Variants in WNK2 observed in about 807,000 individuals in gnomAD.
The protein encoded by WNK2 is WNK lysine deficient protein kinase 2.
Under a neutral mutation model 192.1 loss-of-function variants are expected in WNK2, and 67 were observed. That is an observed-to-expected ratio of 0.35 (90% CI 0.29 to 0.43). The LOEUF (loss-of-function observed/expected upper bound fraction) is 0.43, where lower values mean the gene tolerates loss of function less well. Among genes scored for constraint, WNK2 ranks in the 20% least tolerant of loss-of-function variants. The pLI, the probability that WNK2 is intolerant of heterozygous loss-of-function variation, is 1.00. For synonymous variants in WNK2, 1,439 were observed against 1,393.9 expected (o/e 1.03, Z -0.72); for missense variants, 2,698 against 3,089.7 (o/e 0.87, Z 3.01).
intron 26 of WNK2, among the ~76,000 whole-genome samples, chr9:93,306,031 G>A (rs1317460105): frequency 6.6e-6 from 1 of 152,218 alleles, no homozygotes; most frequent in African/African-American, 2.4e-5. Context: ...CTAGGACATT[G>A]CATTCAGTGT....
rs1843484734 is a variant in WNK2 at position 93,257,411 on chromosome 9, C to T, written c.2382+272C>T. On this transcript the variant is annotated intron_variant, in intron 11 of 29. Coordinates refer to ENST00000427277, the MANE Select transcript of WNK2 (RefSeq NM_006648.4). This position sits in a 1 kb window ranked among gnomAD's most constrained non-coding sequence, Gnocchi z 4.7. ...GTCTCCTGCCCTCCAGCCTCACCTT[C>T]TCTACCAACCTGGCAGGCTGCTCTT... 6.6e-6 allele frequency among the ~76,000 whole-genome samples: 1 copy of T among 152,162 alleles called. No individual in the cohort carries two copies. The highest frequency in any genetic ancestry group is 2.4e-5 in the African/African-American group (1 of 41,446).
chr9:93,283,938 G>A (rs760102275), intron 19 of WNK2, among the ~76,000 whole-genome samples: 4 of 152,310 alleles, frequency 2.6e-5, no homozygotes, highest in Middle Eastern at 3.4e-3. Flanking sequence ...AAGTGTTCAC[G>A]ATAATGAGAA....
intron 2 of WNK2, among the ~76,000 whole-genome samples, chr9:93,200,778 A>G (rs781661897): frequency 6.6e-5 from 10 of 152,198 alleles, no homozygotes; most frequent in African/African-American, 2.4e-5. Context: ...CACCTGCGCC[A>G]TTTGTAAAAA....
intron 2 of WNK2, among the ~76,000 whole-genome samples, chr9:93,206,470 T>G (rs1214125297): frequency 6.6e-6 from 1 of 152,012 alleles, no homozygotes; most frequent in Non-Finnish European, 1.5e-5. Flanking sequence ...GAGAAGCACG[T>G]GGCTTGCCCC....
chr9:93,198,787 C>T (rs1587810694), intron 2 of WNK2, among the ~76,000 whole-genome samples: 2 of 152,244 alleles, frequency 1.3e-5, no homozygotes, highest in South Asian at 4.1e-4. Flanking sequence ...GCCTCTGGGC[C>T]CCCACTCCCT....
chr9:93,194,399 A>G (rs1361696369), intron 2 of WNK2, among the ~76,000 whole-genome samples: 1 of 152,262 alleles, frequency 6.6e-6, no homozygotes, highest in Non-Finnish European at 1.5e-5. Context: ...AATAGGCCAA[A>G]GAGCTTAACA....
At chr9:93,293,880 C>G (rs967110987) in intron 23 of WNK2, among the ~76,000 whole-genome samples, 1 of 151,916 alleles carries the variant, frequency 6.6e-6, no homozygotes, top group Admixed American at 6.6e-5. Flanking sequence ...TCGCTTCCCA[C>G]CACTCTGTTT....
Position 93,261,994 on chromosome 9 carries a change from G to A in WNK2, c.3247G>A (p.Val1083Met), listed in dbSNP as rs746577281. The part of the protein sequence containing the change: ...LATVSASVQS[V>M]PTQTATLLPP... ...CACGGTGTCTGCCTCTGTGCAGAGT[G>A]TGCCCACCCAGACTGCCACACTTCT... Residue 1083 changes from valine to methionine, a missense_variant, in exon 13 of 30, where the codon GTG becomes ATG. Val to Met is a conservative substitution (Grantham distance 21). Coordinates refer to ENST00000427277, the MANE Select transcript of WNK2 (RefSeq NM_006648.4). The A allele has an allele frequency of 2.5e-6, 4 of 1,611,874 alleles. No individual in the cohort carries two copies. The highest frequency in any genetic ancestry group is 1.7e-5 in the Admixed American group (1 of 59,910).
intron 28 of WNK2, among the ~76,000 whole-genome samples, chr9:93,312,727 CGTT>C (rs752064555): frequency 6.6e-6 from 1 of 152,142 alleles, no homozygotes; most frequent in South Asian, 2.1e-4. Context: ...TCCCAGCAGA[CGTT>C]GTTGAAAACT....
Position 93,292,732 on chromosome 9 carries a change from A to G in WNK2, c.5267A>G (p.Glu1756Gly). The G allele has an allele frequency of 6.5e-7, 1 of 1,533,066 alleles. No individual in the cohort carries two copies. The highest frequency in any genetic ancestry group is 8.8e-7 in the Non-Finnish European group (1 of 1,137,526). 95.0% of individuals were successfully genotyped at this position (1,533,066 alleles called of 1,614,324 possible). Residue 1756 changes from glutamate to glycine, a missense_variant, in exon 23 of 30, where the codon GAG becomes GGG. By Grantham distance (98) the Glu-to-Gly change is moderately conservative. This residue lies in a region of WNK2 where 1,098 missense variants were observed against 1,101.0 expected (regional missense o/e 1.00). Coordinates refer to ENST00000427277, the MANE Select transcript of WNK2 (RefSeq NM_006648.4). ...TTCTCGGTGGTCAGCACTCAGGACG[A>G]GTGGACCCTGGCCTCCCCCCACAGC... ...GRFSVVSTQD[E>G]WTLASPHSLR...
At chr9:93,276,681 A>G (rs978519045) in intron 19 of WNK2, among the ~76,000 whole-genome samples, 1 of 152,238 alleles carries the variant, frequency 6.6e-6, no homozygotes, top group Non-Finnish European at 1.5e-5. Flanking sequence ...CATATCCAAC[A>G]TAGTGTCTGT....
At chr9:93,266,665 C>T (rs1237665973) in intron 16 of WNK2, among the ~76,000 whole-genome samples, 2 of 152,246 alleles carry the variant, frequency 1.3e-5, no homozygotes, top group Admixed American at 1.3e-4. Context: ...TCACGGAACA[C>T]AGCACAAGCC....
chr9:93,210,369 G>A (rs1834286261), intron 2 of WNK2, among the ~76,000 whole-genome samples: 1 of 152,088 alleles, frequency 6.6e-6, no homozygotes, highest in South Asian at 2.1e-4. Flanking sequence ...AGGAGCGCTG[G>A]CCACAGTGTG....
chr9:93,281,946 T>G (rs1257481688), intron 19 of WNK2, among the ~76,000 whole-genome samples: 1 of 152,184 alleles, frequency 6.6e-6, no homozygotes, highest in Non-Finnish European at 1.5e-5. Flanking sequence ...AGTCATCACC[T>G]TCACAGCTCA....
intron 2 of WNK2, among the ~76,000 whole-genome samples, chr9:93,222,593 T>G (rs1325875087): frequency 6.6e-6 from 1 of 152,140 alleles, no homozygotes; most frequent in Non-Finnish European, 1.5e-5. Flanking sequence ...TGCAAAGAAG[T>G]CTAGGGGCAC....
chr9:93,208,913 C>T (rs534199584), intron 2 of WNK2, among the ~76,000 whole-genome samples: 17 of 152,040 alleles, frequency 1.1e-4, no homozygotes, highest in East Asian at 3.9e-4. Flanking sequence ...GTTCTTTGTG[C>T]ATTCACATTC....
In WNK2 at chr9:93,252,928, A is replaced by T; in HGVS notation, c.1880A>T (p.Asp627Val). 1.3e-6 allele frequency: 2 copies of T among 1,571,522 alleles called. No individual in the cohort carries two copies. ...DSGQGSTVYS[D>V]SQSSQQSVML... ...GGCCAGGGCTCTACCGTGTACTCAG[A>T]CTCGCAGAGCAGCCAGCAGAGCGTG... Residue 627 changes from aspartate (D) to valine (V), a missense_variant, in exon 9 of 30, where the codon GAC (aspartate) becomes GTC (valine). This residue lies in a region of WNK2 where 893 missense variants were observed against 909.0 expected (regional missense o/e 0.98). Coordinates refer to ENST00000427277, the MANE Select transcript of WNK2 (RefSeq NM_006648.4).
At chr9:93,308,256 AT>A in intron 27 of WNK2, 71 bp from the exon 28 acceptor site, 1 of 1,499,502 alleles carries the variant, frequency 6.7e-7, no homozygotes, top group East Asian at 2.5e-5. Context: ...GTAAGAATGA[AT>A]GCGGCCAGCC....
rs1177842436 is a variant in WNK2, at chr9:93,239,848, T to G, written c.1414T>G (p.Ser472Ala). 4 of 1,598,570 alleles carry G rather than the reference T, an allele frequency of 2.5e-6. No individual in the cohort carries two copies. Among genetic ancestry groups the G allele is most frequent in the Non-Finnish European group, 2.6e-6 (3 of 1,173,120 alleles). Residue 472 changes from serine to alanine, a missense_variant, in exon 7 of 30, where the codon TCC (serine) becomes GCC (alanine). By Grantham distance (99) the Ser-to-Ala change is moderately conservative. Around this residue, in one of 7 missense-constraint regions of WNK2, gnomAD observed 230 missense variants for 501.1 expected, o/e 0.46. Transcript: ENST00000427277. This position sits in a 1 kb window ranked among gnomAD's most constrained non-coding sequence, Gnocchi z 4.2. Reference sequence around the variant, plus strand: ...CGCGGAGGAGGACCACGGCAGGAAGTCCACCATCGCCCTGAGGCTCTGGGT... The same window carrying G: ...CGCGGAGGAGGACCACGGCAGGAAGGCCACCATCGCCCTGAGGCTCTGGGT... The part of the protein sequence containing the change: ...ELAEEDHGRK[S>A]TIALRLWVED...
Sources: gnomAD v4.1 joint callset for allele counts (sites outside exome capture counted in the v4.1 genomes callset) on GRCh38, gnomAD v4.1.1 for gene constraint, gnomAD v4.1.1 regional missense constraint, Gnocchi (gnomAD v3.1) non-coding constraint, MANE v1.5 for transcripts, NCBI Gene and HGNC (gene_info 2026-07-23, HGNC 2026-07-21) for gene names.